Variants in PCDHGA1 observed in about 807,000 individuals in gnomAD.
PCDHGA1 encodes protocadherin gamma subfamily A, 1.
A neutral mutation model predicts 58.0 loss-of-function variants in PCDHGA1; 32 were observed. That is an observed-to-expected ratio of 0.55 (90% CI 0.42 to 0.74). PCDHGA1 has a LOEUF of 0.74. PCDHGA1 is among the 30% of genes least tolerant of loss of function. The pLI is 0.00. For missense variants in PCDHGA1, 1,205 were observed against 1,182.3 expected, an observed-to-expected ratio of 1.02 and a Z score of -0.28; for synonymous variants, 498 against 501.1, an observed-to-expected ratio of 0.99 and a Z score of 0.08.
At position 141,487,370 on chromosome 5, in the gene PCDHGA1, T is replaced by C; in HGVS notation, c.2422-7437T>C. 6.2e-7 allele frequency: 1 copy of C among 1,614,232 alleles called. No individual in the cohort carries two copies. Among genetic ancestry groups the C allele is most frequent in the South Asian group, 1.1e-5 (1 of 91,080 alleles). On this transcript the variant is annotated intron_variant, in intron 1 of 3. Transcript: ENST00000517417. The surrounding 1 kb of genome is among the most constrained non-coding windows in gnomAD (Gnocchi z 5.0). ...ATGCTTTCCTGCTGGCACCTGTGCC[T>C]GTCTCACCAGATCTCGAAGGAGGGA... is the stretch of plus-strand genomic sequence containing the variant.
chr5:141,390,231 T>C, intron 1 of PCDHGA1: 1 of 1,614,086 alleles, frequency 6.2e-7, no homozygotes, highest in South Asian at 1.1e-5. Flanking sequence ...CGGTGATTCA[T>C]CTGGGGCCTT....
chr5:141,335,357 C>A (rs1021566603), intron 1 of PCDHGA1, among the ~76,000 whole-genome samples: 6 of 151,920 alleles, frequency 3.9e-5, no homozygotes, highest in African/African-American at 1.5e-4. Flanking sequence ...TATATGTACA[C>A]ACACAAAAAA....
intron 1 of PCDHGA1, among the ~76,000 whole-genome samples, chr5:141,474,263 A>C (rs964712807): frequency 6.6e-6 from 1 of 152,188 alleles, no homozygotes; most frequent in Non-Finnish European, 1.5e-5. Context: ...CTGATAAACC[A>C]GTGTATCTCT....
intron 1 of PCDHGA1, chr5:141,345,146 G>T (rs1012297778): frequency 6.2e-7 from 1 of 1,613,858 alleles, no homozygotes; most frequent in Non-Finnish European, 8.5e-7. Context: ...TTATCGACGT[G>T]CATGACCGAG....
At chr5:141,346,142 C>A (rs755489329) in intron 1 of PCDHGA1, 1 of 1,614,010 alleles carries the variant, frequency 6.2e-7, no homozygotes, top group Non-Finnish European at 8.5e-7. Context: ...TCTCCTGCGT[C>A]TTCCTGGCCT....
At chr5:141,382,378 C>T (rs1160680038) in intron 1 of PCDHGA1, among the ~76,000 whole-genome samples, 1 of 152,098 alleles carries the variant, frequency 6.6e-6, no homozygotes, top group Non-Finnish European at 1.5e-5. Flanking sequence ...TTTTTGCCTT[C>T]AATAACTGAT....
At position 141,345,576 on chromosome 5, in the gene PCDHGA1, T is replaced by A. The variant is rs371348135; in HGVS notation, c.2421+12471T>A. On this transcript the variant is annotated intron_variant, in intron 1 of 3. Transcript: ENST00000517417. ...TATCAACTCCAACACTGGCGTCCTATACGCGCTGAGATCCTTCGACTACGA... is the reference window on the plus strand; with the variant it reads ...TATCAACTCCAACACTGGCGTCCTAAACGCGCTGAGATCCTTCGACTACGA... 208 of 1,614,068 alleles carry A rather than the reference T, an allele frequency of 1.3e-4. No homozygotes were observed. The highest frequency in any genetic ancestry group is 1.6e-4 in the Non-Finnish European group (192 of 1,180,044).
chr5:141,418,339 T>G (rs779598961), intron 1 of PCDHGA1: 2 of 1,614,012 alleles, frequency 1.2e-6, no homozygotes, highest in Non-Finnish European at 1.7e-6. Context: ...CAGAAGATCC[T>G]GATATTAGTA....
chr5:141,416,585 A>T (rs2096043494), intron 1 of PCDHGA1: 2 of 152,244 alleles, frequency 1.3e-5, no homozygotes, highest in Non-Finnish European at 2.9e-5. Context: ...GAGGCAAAAT[A>T]AACTTAGAGT....
intron 1 of PCDHGA1, chr5:141,412,074 A>G (rs751287485): frequency 2.0e-5 from 3 of 152,184 alleles, no homozygotes; most frequent in Non-Finnish European, 4.4e-5. Context: ...TGAGGGAACA[A>G]TTGCTACTGG....
In PCDHGA1 at chr5:141,412,906, T is replaced by C. The variant is rs188124118; in HGVS notation, c.2421+79801T>C. ...ACAGAATAGTTTACTTTCCATTGCA[T>C]GTATCACTTGGGTGCAGTAACTTCT... On this transcript the variant is annotated intron_variant, in intron 1 of 3. Coordinates refer to ENST00000517417, the MANE Select transcript of PCDHGA1 (RefSeq NM_018912.3). 315 of 384,208 alleles carry C rather than the reference T, an allele frequency of 8.2e-4. 2 individuals carry two copies. Among genetic ancestry groups the C allele is most frequent in the African/African-American group, 5.6e-3 (272 of 48,326 alleles). The allele number at this position is 384,208 out of a possible 1,614,324, so 23.8% of individuals were successfully genotyped here. A position where few individuals can be genotyped will look rare whatever the true frequency, so the allele number is the denominator to read the frequency against.
Position 141,486,226 on chromosome 5 carries a change from A to G in PCDHGA1, c.2422-8581A>G, listed in dbSNP as rs889500362. 5.0e-6 allele frequency: 8 copies of G among 1,614,012 alleles called. No individual in the cohort carries two copies. The highest frequency in any genetic ancestry group is 6.8e-6 in the Non-Finnish European group (8 of 1,180,018). On this transcript the variant is annotated intron_variant, in intron 1 of 3. Transcript: ENST00000517417. This position sits in a 1 kb window ranked among gnomAD's most constrained non-coding sequence, Gnocchi z 5.0. ...TAAATGACAATGCCCCTTACATCACAGTGACCTCAGAGCTTGGAACCCTCC... is the reference window on the plus strand; with the variant it reads ...TAAATGACAATGCCCCTTACATCACGGTGACCTCAGAGCTTGGAACCCTCC...
intron 1 of PCDHGA1, chr5:141,373,979 C>A: frequency 9.0e-7 from 1 of 1,107,704 alleles, no homozygotes; most frequent in Non-Finnish European, 1.2e-6. Context: ...CGCATCCGGT[C>A]TCTGCTTGTT....
rs1404447940 is a variant in PCDHGA1 at position 141,428,036 on chromosome 5, C to T, written c.2422-66771C>T. On this transcript the variant is annotated intron_variant, in intron 1 of 3. Transcript: ENST00000517417. ...TGCCACGCGCCGCAGAGTCCGGCTA[C>T]CTGGTGACCAAGGTGGTGGCGGTGG... The T allele has an allele frequency of 3.7e-6, 6 of 1,608,246 alleles. No homozygotes were observed. The African/African-American group carries it at 4.0e-5, about 11-fold the overall frequency.
In PCDHGA1 at chr5:141,511,217, C is replaced by A. The variant is rs766814445; in HGVS notation, c.*44C>A. On this transcript the variant is annotated 3_prime_UTR_variant, in exon 4 of 4. Transcript: ENST00000517417. ...AGCCACAGGGCGGCCTCTCCCCAAC[C>A]AGCCCAGCTTCTCCTTACCTGCACC... The A allele has an allele frequency of 2.5e-6, 4 of 1,607,588 alleles. No homozygotes were observed. Among genetic ancestry groups the A allele is most frequent in the Non-Finnish European group, 3.4e-6 (4 of 1,177,026 alleles).
chr5:141,374,354 G>C, intron 1 of PCDHGA1: 1 of 1,614,036 alleles, frequency 6.2e-7, no homozygotes, highest in East Asian at 2.2e-5. Context: ...GGGTAGGATA[G>C]ACCGCGAGGA....
chr5:141,345,369 A>T (rs1323122206), intron 1 of PCDHGA1: 1 of 1,613,940 alleles, frequency 6.2e-7, no homozygotes, highest in Non-Finnish European at 8.5e-7. Context: ...GATTGACATC[A>T]ATGACAACCC....
Position 141,432,153 on chromosome 5 carries a change from A to T in PCDHGA1, c.2422-62654A>T. 6.2e-7 allele frequency: 1 copy of T among 1,613,758 alleles called. No homozygotes were observed. The highest frequency in any genetic ancestry group is 8.5e-7 in the Non-Finnish European group (1 of 1,179,910). On this transcript the variant is annotated intron_variant, in intron 1 of 3. Transcript: ENST00000517417. This position sits in a 1 kb window ranked among gnomAD's most constrained non-coding sequence, Gnocchi z 6.0. ...TATTCCGCTTATATCCCAGAGAACA[A>T]TCCCAGAGGAGTTTCCCTCGTCTCT...
rs201412037 is a variant in PCDHGA1, at chr5:141,421,093, A to G, written c.2422-73714A>G. The G allele has an allele frequency of 3.5e-5, 23 of 665,630 alleles. No homozygotes were observed. In the East Asian group the frequency reaches 6.2e-4, roughly 18 times the overall value. 41.2% of individuals were successfully genotyped at this position (665,630 alleles called of 1,614,324 possible). On this transcript the variant is annotated intron_variant, in intron 1 of 3. Coordinates refer to ENST00000517417, the MANE Select transcript of PCDHGA1 (RefSeq NM_018912.3). ...GAGATGGATACTCACAGATCCTGAC[A>G]CTGGAGACTTAGAAGTATTTTCCTT... is the stretch of plus-strand genomic sequence containing the variant.
Sources: gnomAD v4.1 joint callset for allele counts (sites outside exome capture counted in the v4.1 genomes callset) on GRCh38, gnomAD v4.1.1 for gene constraint, Gnocchi (gnomAD v3.1) non-coding constraint, MANE v1.5 for transcripts, NCBI Gene and HGNC (gene_info 2026-07-23, HGNC 2026-07-21) for gene names.